NDUFB8: variants seen among roughly 807,000 people sequenced by gnomAD.
The protein encoded by NDUFB8 is NADH dehydrogenase [ubiquinone] 1 beta subcomplex subunit 8, mitochondrial.
Under a neutral mutation model 26.0 loss-of-function variants are expected in NDUFB8, and 17 were observed. The observed-to-expected ratio is 0.65, with a 90% CI of 0.45 to 0.98. NDUFB8 has a LOEUF of 0.98. NDUFB8 is among the 50% of genes least tolerant of loss of function. NDUFB8 has a pLI of 0.00. For synonymous variants in NDUFB8, 89 were observed against 93.1 expected, an observed-to-expected ratio of 0.96 and a Z score of 0.25; for missense variants, 238 against 255.0, an observed-to-expected ratio of 0.93 and a Z score of 0.45.
chr10:100,524,752 A>C lies in NDUFB8; in HGVS notation c.469-823T>G, dbSNP rs765501402. Among the ~76,000 whole-genome samples the C allele has an allele frequency of 2.6e-5, 4 of 152,180 alleles. No individual in the cohort carries two copies. Among genetic ancestry groups the C allele is most frequent in the Non-Finnish European group, 5.9e-5 (4 of 68,034 alleles). On this transcript the variant is annotated intron_variant, in intron 4 of 4. Transcript: ENST00000299166. The surrounding 1 kb of genome is among the most constrained non-coding windows in gnomAD (Gnocchi z 4.0). ...CTTTCAGCTTCTCTCCTTCCAGTAC[A>C]TCCTGGAGACTACTCCTGGATTAAT...
rs1852005961 is a variant in NDUFB8 at position 100,524,176 on chromosome 10, T to G, written c.469-247A>C. 1.3e-6 allele frequency: 2 copies of G among 1,507,072 alleles called. No individual in the cohort carries two copies. Among genetic ancestry groups the G allele is most frequent in the African/African-American group, 2.8e-5 (2 of 70,714 alleles). The allele number at this position is 1,507,072 out of a possible 1,614,324, so 93.4% of individuals were successfully genotyped here. A position where few individuals can be genotyped will look rare whatever the true frequency, so the allele number is the denominator to read the frequency against. On this transcript the variant is annotated intron_variant, in intron 4 of 4. Coordinates refer to ENST00000299166, the MANE Select transcript of NDUFB8 (RefSeq NM_005004.4). The surrounding 1 kb of genome is among the most constrained non-coding windows in gnomAD (Gnocchi z 4.0). Reference sequence around the variant, plus strand: ...AAGGAGAAAGGGGGAGGGAAGGGGGTTAGGGAAAGGAGGGGAAGGGAGGAA... The same window carrying G: ...AAGGAGAAAGGGGGAGGGAAGGGGGGTAGGGAAAGGAGGGGAAGGGAGGAA...
At chr10:100,527,726 G>C (rs1230973223) in intron 2 of NDUFB8, among the ~76,000 whole-genome samples, 1 of 152,246 alleles carries the variant, frequency 6.6e-6, no homozygotes, top group African/African-American at 2.4e-5. Context: ...ACAGTCATGT[G>C]CCACATACCA....
chr10:100,524,315 C>G lies in NDUFB8; in HGVS notation c.469-386G>C, dbSNP rs1852009016. ...CTCTCTCTCGGGGTCGAGACAGACT[C>G]AATCTCCTTTAAGTCACTCAGCCTC... On this transcript the variant is annotated intron_variant, in intron 4 of 4. Coordinates refer to ENST00000299166, the MANE Select transcript of NDUFB8 (RefSeq NM_005004.4). The surrounding 1 kb of genome is among the most constrained non-coding windows in gnomAD (Gnocchi z 4.0). 6.6e-6 allele frequency among the ~76,000 whole-genome samples: 1 copy of G among 152,018 alleles called. No individual in the cohort carries two copies. The highest frequency in any genetic ancestry group is 1.5e-5 in the Non-Finnish European group (1 of 67,996).
rs753173137 is a variant in NDUFB8, at chr10:100,527,072, T to C, written c.215A>G (p.Tyr72Cys). The stretch of plus-strand genomic sequence containing the variant: ...GTCAGGGAGCTTCGGGTAGTCGCCA[T>C]ACCTGAAAGACAGCAAGAACTTCTG... Reference protein sequence around the residue: ...YEPYPDDGMGYGDYPKLPDRS... With the variant: ...YEPYPDDGMGCGDYPKLPDRS... Residue 72 changes from tyrosine to cysteine, a missense_variant and splice_region_variant, in exon 3 of 5, where the codon TAT becomes TGT. Physicochemically the swap from Tyr to Cys is radical, Grantham distance 194. Coordinates refer to ENST00000299166, the MANE Select transcript of NDUFB8 (RefSeq NM_005004.4). 2.2e-5 allele frequency: 36 copies of C among 1,613,796 alleles called. No homozygotes were observed. Among genetic ancestry groups the C allele is most frequent in the Non-Finnish European group, 3.0e-5 (35 of 1,179,848 alleles).
intron 2 of NDUFB8, among the ~76,000 whole-genome samples, chr10:100,528,348 C>G (rs1589747210): frequency 6.6e-6 from 1 of 152,148 alleles, no homozygotes. Context: ...ACCTAACAAC[C>G]CATTTCTCAG....
At chr10:100,527,305 A>G (rs1852069381) in intron 2 of NDUFB8, among the ~76,000 whole-genome samples, 1 of 152,222 alleles carries the variant, frequency 6.6e-6, no homozygotes, top group Admixed American at 6.5e-5. Context: ...ATTTTAATGT[A>G]CATAAGCCTT....
Position 100,524,178 on chromosome 10 carries a change from A to T in NDUFB8, c.469-249T>A. The T allele has an allele frequency of 2.8e-6, 4 of 1,415,000 alleles. No homozygotes were observed. The highest frequency in any genetic ancestry group is 3.9e-6 in the Non-Finnish European group (4 of 1,021,240). The allele number at this position is 1,415,000 out of a possible 1,614,324, so 87.7% of individuals were successfully genotyped here. ...GGAGAAAGGGGGAGGGAAGGGGGTT[A>T]GGGAAAGGAGGGGAAGGGAGGAAGA... On this transcript the variant is annotated intron_variant, in intron 4 of 4. Coordinates refer to ENST00000299166, the MANE Select transcript of NDUFB8 (RefSeq NM_005004.4). The surrounding 1 kb of genome is among the most constrained non-coding windows in gnomAD (Gnocchi z 4.0).
Position 100,524,692 on chromosome 10 carries a change from C to G in NDUFB8, c.469-763G>C, listed in dbSNP as rs12358187. ...ATTGATTGTCTCTGCAGAGGTAGCA[C>G]TGGGCAGCCAACTGCAAACACAGCA... On this transcript the variant is annotated intron_variant, in intron 4 of 4. Transcript: ENST00000299166. The surrounding 1 kb of genome is among the most constrained non-coding windows in gnomAD (Gnocchi z 4.0). 0.21 allele frequency among the ~76,000 whole-genome samples: 31,476 copies of G among 152,172 alleles called. 3,360 individuals carry two copies. Among genetic ancestry groups the G allele is most frequent in the South Asian group, 0.23 (1,111 of 4,824 alleles).
At chr10:100,529,547 T>G (rs200250742) in intron 1 of NDUFB8, 41 bp from the exon 2 acceptor site, 1 of 1,599,958 alleles carries the variant, frequency 6.3e-7, no homozygotes, top group East Asian at 2.2e-5. Context: ...GAGCCCGCTC[T>G]CCAGCCGCTC....
At chr10:100,528,804 C>T (rs899766564) in intron 2 of NDUFB8, among the ~76,000 whole-genome samples, 1 of 152,162 alleles carries the variant, frequency 6.6e-6, no homozygotes, top group Non-Finnish European at 1.5e-5. Flanking sequence ...AGATAATTAA[C>T]CATTGGGATG....
chr10:100,527,262 CTG>C (rs1852068724), intron 2 of NDUFB8, among the ~76,000 whole-genome samples, 188 bp from the exon 3 acceptor site: 1 of 152,220 alleles, frequency 6.6e-6, no homozygotes, highest in Admixed American at 6.5e-5. Flanking sequence ...GAAGTCCACA[CTG>C]TATTTAAAAG....
intron 4 of NDUFB8, among the ~76,000 whole-genome samples, chr10:100,525,514 C>T (rs1234213379): frequency 6.6e-6 from 1 of 152,132 alleles, no homozygotes; most frequent in Non-Finnish European, 1.5e-5. Flanking sequence ...CCACCTCAGC[C>T]TCCCAATGTG....
At chr10:100,529,891 G>A (rs1239183047), upstream of NDUFB8, 1 of 1,597,224 alleles carries the variant, frequency 6.3e-7, no homozygotes, top group Non-Finnish European at 8.5e-7. Context: ...CATGCGCAAA[G>A]GCCTGTCACG....
rs746041997 is a variant in NDUFB8 at position 100,529,425 on chromosome 10, T to A, written c.167A>T (p.Asn56Ile). 1.2e-6 allele frequency: 2 copies of A among 1,613,046 alleles called. No homozygotes were observed. The highest frequency in any genetic ancestry group is 4.5e-5 in the East Asian group (2 of 44,818). ...EERAAAAKKY[N>I]MRVEDYEPYP... ...AGGTTCGTAGTCTTCCACACGCATA[T>A]TATACTTCTTGGCGGCGGCGGCCCG... Residue 56 changes from asparagine (N) to isoleucine (I), a missense_variant, in exon 2 of 5, where the codon AAT becomes ATT. Transcript: ENST00000299166.
rs778231996 is a variant in NDUFB8 at position 100,524,188 on chromosome 10, G to A, written c.469-259C>T. ...GGAGGGAAGGGGGTTAGGGAAAGGA[G>A]GGGAAGGGAGGAAGACAGGGAGGGA... On this transcript the variant is annotated intron_variant, in intron 4 of 4. Transcript: ENST00000299166. This position sits in a 1 kb window ranked among gnomAD's most constrained non-coding sequence, Gnocchi z 4.0. The A allele has an allele frequency of 3.4e-6, 5 of 1,473,380 alleles. No individual in the cohort carries two copies. The highest frequency in any genetic ancestry group is 2.4e-5 in the South Asian group (2 of 82,920). 91.3% of individuals were successfully genotyped at this position (1,473,380 alleles called of 1,614,324 possible). A position where few individuals can be genotyped will look rare whatever the true frequency, so the allele number is the denominator to read the frequency against.
intron 2 of NDUFB8, 71 bp from the exon 3 acceptor site, chr10:100,527,145 T>TA: frequency 1.0e-5 from 13 of 1,243,514 alleles, no homozygotes; most frequent in Non-Finnish European, 1.2e-5. Flanking sequence ...CCTCATCTTA[T>TA]AGATGAGAAA....
chr10:100,526,018 A>G lies in NDUFB8; in HGVS notation c.468+381T>C, dbSNP rs573202642. On this transcript the variant is annotated intron_variant, in intron 4 of 4. Transcript: ENST00000299166. ...TTAATTGCTTCCAATATACTACAGGACGTGCCCTTCACAAGTCCAACAAAG... is the reference window on the plus strand; with the variant it reads ...TTAATTGCTTCCAATATACTACAGGGCGTGCCCTTCACAAGTCCAACAAAG... 8.0e-5 allele frequency: 14 copies of G among 175,994 alleles called. No homozygotes were observed. In the South Asian group the frequency reaches 1.9e-3, roughly 23 times the overall value. The allele number at this position is 175,994 out of a possible 1,614,324, so 10.9% of individuals were successfully genotyped here. A position where few individuals can be genotyped will look rare whatever the true frequency, so the allele number is the denominator to read the frequency against.
At position 100,529,522 on chromosome 10, in the gene NDUFB8, G is replaced by C; in HGVS notation, c.86-16C>G. ...ATGTGGGAGGCTAGAACGCAGAAGA[G>C]AACAGGTCAGAAGCGAGCCCGCTCT... is the stretch of plus-strand genomic sequence containing the variant. On this transcript the variant is annotated splice_polypyrimidine_tract_variant and intron_variant, in intron 1 of 4. Transcript: ENST00000299166. The C allele has an allele frequency of 6.2e-7, 1 of 1,611,738 alleles. No individual in the cohort carries two copies. The highest frequency in any genetic ancestry group is 8.5e-7 in the Non-Finnish European group (1 of 1,179,394).
rs1028329871 is a variant in NDUFB8 at position 100,529,776 on chromosome 10, C to T, written c.76G>A (p.Ala26Thr). The T allele has an allele frequency of 3.7e-6, 6 of 1,613,218 alleles. 1 individual carries two copies. The highest frequency in any genetic ancestry group is 5.1e-6 in the Non-Finnish European group (6 of 1,179,832). Residue 26 changes from alanine to threonine, a missense_variant, in exon 1 of 5, where the codon GCA (alanine) becomes ACA (threonine). Transcript: ENST00000299166. ...GCCCGTTCTCGCGGACCTGTCCGTG[C>T]GCCCAGCGGCATCACGTTCCGGGAT... ...RASRNVMPLG[A>T]RTASHMTKDM...
Sources: allele counts gnomAD v4.1 joint callset (sites outside exome capture counted in the v4.1 genomes callset), GRCh38; gene constraint gnomAD v4.1.1; non-coding constraint Gnocchi (gnomAD v3.1); transcripts MANE v1.5; gene names NCBI Gene and HGNC (gene_info 2026-07-23, HGNC 2026-07-21).